The following CNTN6 variants were observed in gnomAD, a reference collection of about 807,000 sequenced individuals.
The protein encoded by CNTN6 is contactin-6.
A neutral mutation model predicts 122.8 loss-of-function variants in CNTN6; 137 were observed. The observed-to-expected ratio is 1.12, with a 90% CI of 0.97 to 1.29. The LOEUF is 1.29. Among genes scored for constraint, CNTN6 ranks in the 50% most tolerant of loss-of-function variants. CNTN6 has a pLI of 0.00. For missense variants in CNTN6, 1,634 were observed against 1,223.4 expected (o/e 1.34, Z -5.01); for synonymous variants, 570 against 426.0 (o/e 1.34, Z -4.16).
chr3:1,389,892 G>A (rs1272933855), intron 20 of CNTN6, among the ~76,000 whole-genome samples: 3 of 151,454 alleles, frequency 2.0e-5, no homozygotes, highest in Admixed American at 6.6e-5. Flanking sequence ...CAATACAGGA[G>A]CACCCAGATT....
intron 7 of CNTN6, among the ~76,000 whole-genome samples, chr3:1,311,440 T>G (rs1164300553): frequency 2.4e-5 from 2 of 84,056 alleles, no homozygotes; most frequent in East Asian, 8.5e-4. Flanking sequence ...TATGTACATA[T>G]AAAATGTCTT....
At chr3:1,271,506 A>G (rs1040935092) in intron 4 of CNTN6, among the ~76,000 whole-genome samples, 3 of 152,190 alleles carry the variant, frequency 2.0e-5, no homozygotes, top group African/African-American at 7.2e-5. Context: ...GTGGTGATGC[A>G]CCACACCTCT....
intron 2 of CNTN6, among the ~76,000 whole-genome samples, chr3:1,152,918 A>C (rs1247285910): frequency 6.6e-6 from 1 of 152,214 alleles, no homozygotes; most frequent in Non-Finnish European, 1.5e-5. Flanking sequence ...ACAATAGCAG[A>C]ATAGTAGTTA....
At chr3:1,245,305 T>TAAA (rs1192618728) in intron 4 of CNTN6, among the ~76,000 whole-genome samples, 2 of 10,610 alleles carry the variant, frequency 1.9e-4, no homozygotes, top group Non-Finnish European at 1.7e-4. Flanking sequence ...CATATATATA[T>TAAA]ATATATATAT....
At chr3:1,259,871 A>G (rs2094816619) in intron 4 of CNTN6, among the ~76,000 whole-genome samples, 1 of 151,910 alleles carries the variant, frequency 6.6e-6, no homozygotes, top group South Asian at 2.1e-4. Context: ...ACACACACAT[A>G]CATACAAACA....
At chr3:1,147,019 A>G (rs916788439) in intron 1 of CNTN6, among the ~76,000 whole-genome samples, 1 of 152,104 alleles carries the variant, frequency 6.6e-6, no homozygotes, top group African/African-American at 2.4e-5. Flanking sequence ...TTTTGGTTTA[A>G]GATGAAGTAA....
At chr3:1,220,433 T>C (rs1449092245) in intron 2 of CNTN6, among the ~76,000 whole-genome samples, 3 of 152,128 alleles carry the variant, frequency 2.0e-5, no homozygotes, top group Non-Finnish European at 4.4e-5. Context: ...AATGTTAATT[T>C]CTTGATATTG....
chr3:1,402,681 G>A (rs1471125552), intron 22 of CNTN6, 195 bp downstream of exon 22: 3 of 428,522 alleles, frequency 7.0e-6, no homozygotes, highest in East Asian at 6.9e-5. Flanking sequence ...ATGGTTTTAT[G>A]CTTCCTCATT....
intron 2 of CNTN6, among the ~76,000 whole-genome samples, chr3:1,181,443 T>C (rs1020290728): frequency 1.3e-5 from 2 of 152,192 alleles, no homozygotes; most frequent in Non-Finnish European, 2.9e-5. Context: ...GTTTTTTTGT[T>C]ATTTCATCCT....
chr3:1,255,330 G>A (rs2094736197), intron 4 of CNTN6, among the ~76,000 whole-genome samples: 1 of 151,750 alleles, frequency 6.6e-6, no homozygotes, highest in South Asian at 2.1e-4. Flanking sequence ...GGTGATATGA[G>A]GAATGGGGTA....
chr3:1,383,659 AAAAAC>A (rs930299565), intron 19 of CNTN6, among the ~76,000 whole-genome samples: 6 of 151,046 alleles, frequency 4.0e-5, no homozygotes, highest in South Asian at 4.2e-4. Flanking sequence ...AAACAAAAAC[AAAAAC>A]AAAAAAAAAC....
At chr3:1,207,611 T>C (rs1333923766) in intron 2 of CNTN6, among the ~76,000 whole-genome samples, 1 of 152,080 alleles carries the variant, frequency 6.6e-6, no homozygotes, top group Non-Finnish European at 1.5e-5. Flanking sequence ...TTTCTCTCCA[T>C]AGCACTCACA....
At chr3:1,139,536 A>T (rs2092561587) in intron 1 of CNTN6, among the ~76,000 whole-genome samples, 1 of 152,064 alleles carries the variant, frequency 6.6e-6, no homozygotes, top group African/African-American at 2.4e-5. Flanking sequence ...TGCAAGAACA[A>T]CCTTAAAATC....
chr3:1,387,473 C>T (rs1693205598), intron 20 of CNTN6, among the ~76,000 whole-genome samples: 1 of 152,024 alleles, frequency 6.6e-6, no homozygotes, highest in Non-Finnish European at 1.5e-5. Flanking sequence ...GAATGAAAAT[C>T]TCCAATCAAT....
chr3:1,267,400 G>A (rs767294723), intron 4 of CNTN6, among the ~76,000 whole-genome samples: 5 of 152,084 alleles, frequency 3.3e-5, no homozygotes, highest in Non-Finnish European at 7.4e-5. Context: ...GCACTGGTGT[G>A]TATATTTATG....
chr3:1,396,834 C>G (rs1299651480), intron 20 of CNTN6, among the ~76,000 whole-genome samples: 1 of 152,160 alleles, frequency 6.6e-6, no homozygotes, highest in East Asian at 1.9e-4. Context: ...AGGTGCTATT[C>G]CTGTATGTAA....
At chr3:1,250,753 GT>G (rs1278247003) in intron 4 of CNTN6, among the ~76,000 whole-genome samples, 1 of 152,102 alleles carries the variant, frequency 6.6e-6, no homozygotes, top group Non-Finnish European at 1.5e-5. Context: ...CACACTTAAA[GT>G]TTTCCCTGAA....
chr3:1,257,729 C>T (rs984728215), intron 4 of CNTN6, among the ~76,000 whole-genome samples: 1 of 152,174 alleles, frequency 6.6e-6, no homozygotes, highest in Non-Finnish European at 1.5e-5. Context: ...CAGGGTAGAA[C>T]ACTAGCTGGT....
intron 2 of CNTN6, among the ~76,000 whole-genome samples, chr3:1,166,048 A>G (rs1333345862): frequency 1.3e-5 from 2 of 152,204 alleles, no homozygotes; most frequent in African/African-American, 4.8e-5. Flanking sequence ...AGGAAAGAGA[A>G]GTATAACTTA....
Sources: allele counts gnomAD v4.1 joint callset (sites outside exome capture counted in the v4.1 genomes callset), GRCh38; gene constraint gnomAD v4.1.1; transcripts MANE v1.5; gene names NCBI Gene and HGNC (gene_info 2026-07-23, HGNC 2026-07-21).